Variants in LARP1B observed in about 807,000 individuals in gnomAD.
LARP1B encodes the protein La ribonucleoprotein 1B.
Under a neutral mutation model 114.2 loss-of-function variants are expected in LARP1B, and 76 were observed. That is an observed-to-expected ratio of 0.67 (90% CI 0.55 to 0.81). The LOEUF (loss-of-function observed/expected upper bound fraction) is 0.81. LARP1B is among the 30% of genes least tolerant of loss of function. LARP1B has a pLI of 0.00. For synonymous variants in LARP1B, 345 were observed against 348.0 expected (o/e 0.99, Z 0.10); for missense variants, 1,014 against 1,075.8 (o/e 0.94, Z 0.80).
intron 9 of LARP1B, among the ~76,000 whole-genome samples, chr4:128,113,781 CTTTTTT>C (rs1156610852): frequency 2.6e-5 from 3 of 114,238 alleles, no homozygotes; most frequent in South Asian, 2.9e-4. Context: ...GACATTTACT[CTTTTTT>C]TTTTTTTTTT....
At chr4:128,118,826 C>A (rs964523211) in intron 10 of LARP1B, among the ~76,000 whole-genome samples, 1 of 147,886 alleles carries the variant, frequency 6.8e-6, no homozygotes, top group Non-Finnish European at 1.5e-5. Context: ...CTTGTTTGAT[C>A]TAATCTGCTC....
chr4:128,098,769 T>TATATATATG (rs1561201033), intron 8 of LARP1B, among the ~76,000 whole-genome samples: 3 of 14,430 alleles, frequency 2.1e-4, no homozygotes, highest in African/African-American at 8.1e-4. Flanking sequence ...ATATATATAT[T>TATATATATG]TTTTTTTTTT....
In LARP1B at chr4:128,082,210, CAG is replaced by C. The variant is rs758772166; in HGVS notation, c.268_269del (p.Gln91ArgfsTer14). 8.7e-6 allele frequency: 14 copies of C among 1,612,642 alleles called. No individual in the cohort carries two copies. The East Asian group carries it at 2.0e-4, about 23-fold the overall frequency. ...CCACTCCACTTAGATGTTGTAAGAT[CAG>C]AGAGTCAAGAAAGACCTGGATCCCG... is the stretch of plus-strand genomic sequence containing the variant. On this transcript the variant is annotated frameshift_variant, in exon 5 of 20. Transcript: ENST00000326639. LOFTEE classifies it high-confidence loss of function.
chr4:128,117,976 C>T (rs992993788), intron 10 of LARP1B, among the ~76,000 whole-genome samples: 6 of 142,942 alleles, frequency 4.2e-5, no homozygotes, highest in Non-Finnish European at 6.0e-5. Flanking sequence ...TGTGCAGTGG[C>T]GCGATCTCTG....
In LARP1B at chr4:128,083,631, C is replaced by T. The variant is rs527598639; in HGVS notation, c.358+1326C>T. On this transcript the variant is annotated intron_variant, in intron 5 of 19. Coordinates refer to ENST00000326639, the MANE Select transcript of LARP1B (RefSeq NM_018078.4). ...CTGGCCGGGCGGGGTGCTGACCCCC[C>T]CACCTCCCTCCCGGACGGGGCGGCT... 4.2e-5 allele frequency among the ~76,000 whole-genome samples: 6 copies of T among 142,878 alleles called. No homozygotes were observed. In the South Asian group the frequency reaches 1.1e-3, roughly 27 times the overall value. The allele number at this position is 142,878 out of a possible 152,430, so 93.7% of individuals were successfully genotyped here. A position where few individuals can be genotyped will look rare whatever the true frequency, so the allele number is the denominator to read the frequency against.
intron 11 of LARP1B, among the ~76,000 whole-genome samples, chr4:128,150,377 C>G (rs1478484508): frequency 6.6e-6 from 1 of 150,786 alleles, no homozygotes; most frequent in African/African-American, 2.4e-5. Context: ...ACTGCAGCCT[C>G]AAACTCCTGG....
chr4:128,175,289 A>G (rs1275942787), intron 12 of LARP1B, among the ~76,000 whole-genome samples: 2 of 152,166 alleles, frequency 1.3e-5, no homozygotes, highest in East Asian at 3.8e-4. Context: ...TCTATTTCCT[A>G]TAGCATCATA....
chr4:128,145,716 A>G (rs948059896), intron 11 of LARP1B, among the ~76,000 whole-genome samples: 3 of 152,236 alleles, frequency 2.0e-5, no homozygotes, highest in African/African-American at 7.2e-5. Flanking sequence ...AATTGTACCC[A>G]GAAATAGAGC....
chr4:128,171,787 A>G (rs1743852710), intron 12 of LARP1B, among the ~76,000 whole-genome samples: 1 of 152,140 alleles, frequency 6.6e-6, no homozygotes, highest in African/African-American at 2.4e-5. Flanking sequence ...TGAACTGACA[A>G]TTGTTTTCTG....
intron 15 of LARP1B, 49 bp from the exon 16 acceptor site, chr4:128,199,390 T>G: frequency 7.0e-7 from 1 of 1,428,254 alleles, no homozygotes; most frequent in Non-Finnish European, 9.3e-7. Context: ...TTCATATACT[T>G]GGTTCTTGAT....
Position 128,154,101 on chromosome 4 carries a change from T to C in LARP1B, c.1525-8093T>C, listed in dbSNP as rs549173745. ...TCTTTCCTCCTTATTTCTCATTTCA[T>C]TTTTTTTCCCTAGCAAATTAGATAA... On this transcript the variant is annotated intron_variant, in intron 11 of 19. Coordinates refer to ENST00000326639, the MANE Select transcript of LARP1B (RefSeq NM_018078.4). Among the ~76,000 whole-genome samples the C allele has an allele frequency of 3.9e-5, 6 of 152,144 alleles. No individual in the cohort carries two copies. In the South Asian group the frequency reaches 1.0e-3, roughly 26 times the overall value.
intron 10 of LARP1B, among the ~76,000 whole-genome samples, chr4:128,115,488 T>C (rs1393743127): frequency 6.6e-6 from 1 of 152,128 alleles, no homozygotes; most frequent in African/African-American, 2.4e-5. Flanking sequence ...GGAGGAACAC[T>C]TGAGCTCAGG....
At chr4:128,066,665 G>T (rs1241311936) in intron 1 of LARP1B, among the ~76,000 whole-genome samples, 4 of 151,720 alleles carry the variant, frequency 2.6e-5, no homozygotes, top group Non-Finnish European at 4.4e-5. Flanking sequence ...TTTAGTACAG[G>T]CAGGGTTTCT....
At chr4:128,095,819 T>A (rs1167660913) in intron 7 of LARP1B, among the ~76,000 whole-genome samples, 2 of 152,146 alleles carry the variant, frequency 1.3e-5, no homozygotes, top group African/African-American at 4.8e-5. Context: ...TTGTATTCCA[T>A]GTTTGAAAAC....
At chr4:128,123,001 T>C (rs1788486416) in intron 11 of LARP1B, 2 of 984,704 alleles carry the variant, frequency 2.0e-6, no homozygotes, top group Non-Finnish European at 2.4e-6. Flanking sequence ...GGGAAAATTA[T>C]ATAACATTAT....
chr4:128,065,315 TTC>T lies in LARP1B; in HGVS notation c.-78+3930_-78+3931del, dbSNP rs1197451841. Among the ~76,000 whole-genome samples the T allele has an allele frequency of 6.5e-3, 525 of 80,602 alleles. 10 individuals are homozygous for T. The highest frequency in any genetic ancestry group is 0.017 in the African/African-American group (372 of 22,218). The allele number at this position is 80,602 out of a possible 152,430, so 52.9% of individuals were successfully genotyped here. Reference sequence around the variant, plus strand: ...TTTCTTTCTTTCTTTCTTTCTTTCTTTCTCTCTCTCTCTCTCTTTCCTTTCTT... The same window carrying T: ...TTTCTTTCTTTCTTTCTTTCTTTCTTTCTCTCTCTCTCTCTTTCCTTTCTT... On this transcript the variant is annotated intron_variant, in intron 1 of 19. Transcript: ENST00000326639.
At position 128,153,292 on chromosome 4, in the gene LARP1B, CATTTATTTATTT is replaced by C. The variant is rs36202530; in HGVS notation, c.1525-8871_1525-8860del. ...ACCACCACGCCTGGCCTTGGTTTGCCATTTATTTATTTATTTATTTATTTATTTATTTATTTA... is the reference window on the plus strand; with the variant it reads ...ACCACCACGCCTGGCCTTGGTTTGCCATTTATTTATTTATTTATTTATTTA... On this transcript the variant is annotated intron_variant, in intron 11 of 19. Coordinates refer to ENST00000326639, the MANE Select transcript of LARP1B (RefSeq NM_018078.4). Among the ~76,000 whole-genome samples the C allele has an allele frequency of 7.5e-3, 1,057 of 140,972 alleles. 14 individuals carry two copies. The highest frequency in any genetic ancestry group is 0.019 in the African/African-American group (733 of 37,796). 92.5% of individuals were successfully genotyped at this position (140,972 alleles called of 152,430 possible). A position where few individuals can be genotyped will look rare whatever the true frequency, so the allele number is the denominator to read the frequency against.
At chr4:128,200,074 A>C (rs1755474942) in intron 16 of LARP1B, among the ~76,000 whole-genome samples, 1 of 152,214 alleles carries the variant, frequency 6.6e-6, no homozygotes, top group Non-Finnish European at 1.5e-5. Context: ...CAACAGAGTG[A>C]GACTCTGTCT....
chr4:128,213,521 C>A (rs1289192809), downstream of LARP1B, among the ~76,000 whole-genome samples: 1 of 151,932 alleles, frequency 6.6e-6, no homozygotes, highest in Non-Finnish European at 1.5e-5. Flanking sequence ...AAAAACTATA[C>A]CCCTTAAAGA....
Sources: allele counts gnomAD v4.1 joint callset (sites outside exome capture counted in the v4.1 genomes callset), GRCh38; gene constraint gnomAD v4.1.1; transcripts MANE v1.5; gene names NCBI Gene and HGNC (gene_info 2026-07-23, HGNC 2026-07-21).